Variants in IGF2BP1 observed in about 807,000 individuals in gnomAD.
IGF2BP1 encodes the protein insulin-like growth factor 2 mRNA-binding protein 1.
In IGF2BP1, 11 loss-of-function variants were observed where a neutral mutation model predicts 74.9. The observed-to-expected ratio is 0.15, with a 90% confidence interval of 0.09 to 0.24. The LOEUF is 0.24. Among genes scored for constraint, IGF2BP1 ranks in the 10% least tolerant of loss-of-function variants. The pLI, the probability that IGF2BP1 is intolerant of heterozygous loss-of-function variation, is 1.00. For missense variants in IGF2BP1, 440 were observed against 757.4 expected (o/e 0.58, Z 4.92); for synonymous variants, 287 against 281.8 (o/e 1.02, Z -0.18).
chr17:49,000,152 A>C (rs1402133053), intron 2 of IGF2BP1, among the ~76,000 whole-genome samples: 2 of 152,132 alleles, frequency 1.3e-5, no homozygotes, highest in Admixed American at 1.3e-4. Context: ...ACATGTTGAC[A>C]GTGTAGAGTT....
At chr17:49,010,081 CAAACAAAACAAAACACAAA>C in intron 2 of IGF2BP1, among the ~76,000 whole-genome samples, 1 of 152,240 alleles carries the variant, frequency 6.6e-6, no homozygotes, top group South Asian at 2.1e-4. Context: ...AACTCGATTT[CAAACAAAACAAAACACAAA>C]AAACAAAAAA....
At position 49,025,555 on chromosome 17, in the gene IGF2BP1, C is replaced by T. The variant is rs1450415891; in HGVS notation, c.237-63C>T. 8.6e-6 allele frequency: 12 copies of T among 1,396,662 alleles called. No homozygotes were observed. In the South Asian group the frequency reaches 1.1e-4, roughly 13 times the overall value. 86.5% of individuals were successfully genotyped at this position (1,396,662 alleles called of 1,614,324 possible). On this transcript the variant is annotated intron_variant, in intron 2 of 14. Transcript: ENST00000290341. ...AAACTGGGGCAAGGATTAGAAACTG[C>T]GAGTTCACAGACCCCTAATGTATTC...
In IGF2BP1 at chr17:49,042,979, C is replaced by A. The variant is rs541274593; in HGVS notation, c.1078-449C>A. ...GATTATAAGCATGAGCCACTGCACACAACTCATCTGATTTTTAAAGGAGAC... is the reference window on the plus strand; with the variant it reads ...GATTATAAGCATGAGCCACTGCACAAAACTCATCTGATTTTTAAAGGAGAC... On this transcript the variant is annotated intron_variant, in intron 9 of 14. Transcript: ENST00000290341. Among the ~76,000 whole-genome samples, 59 of 152,252 alleles carry A rather than the reference C, an allele frequency of 3.9e-4. No homozygotes were observed. The Middle Eastern group carries it at 0.01, about 26-fold the overall frequency.
intron 4 of IGF2BP1, among the ~76,000 whole-genome samples, chr17:49,027,707 C>T (rs1433996786): frequency 4.6e-5 from 7 of 151,692 alleles, no homozygotes; most frequent in Admixed American, 3.9e-4. Flanking sequence ...AAAAAATTAG[C>T]CGGGCGTGGT....
In IGF2BP1 at chr17:49,042,239, C is replaced by G. The variant is rs1190677312; in HGVS notation, c.942-3C>G. The G allele has an allele frequency of 3.1e-6, 5 of 1,614,038 alleles. No individual in the cohort carries two copies. The highest frequency in any genetic ancestry group is 4.2e-6 in the Non-Finnish European group (5 of 1,180,032). On this transcript the variant is annotated splice_region_variant and splice_polypyrimidine_tract_variant and intron_variant, in intron 8 of 14. Coordinates refer to ENST00000290341, the MANE Select transcript of IGF2BP1 (RefSeq NM_006546.4). ...AAGGACACAACTCTGCTCTTTCTGC[C>G]AGGTTGCAAGACCTTACCCTTTACA...
chr17:49,043,330 C>T, intron 9 of IGF2BP1, 98 bp from the exon 10 acceptor site: 2 of 1,396,008 alleles, frequency 1.4e-6, no homozygotes, highest in Admixed American at 1.9e-5. Flanking sequence ...GTTTTTGGCC[C>T]ACTTGCCTCT....
At position 49,044,976 on chromosome 17, in the gene IGF2BP1, C is replaced by A. The variant is rs1464653001; in HGVS notation, c.1321-15C>A. 2.5e-6 allele frequency: 4 copies of A among 1,612,912 alleles called. No individual in the cohort carries two copies. The Admixed American group carries it at 6.7e-5, about 27-fold the overall frequency. ...CCATAGAGGGTCCCTCATTGACTAG[C>A]TTTTTGCTTTTTAGATTGCACCACC... On this transcript the variant is annotated splice_polypyrimidine_tract_variant and intron_variant, in intron 11 of 14. Transcript: ENST00000290341.
intron 2 of IGF2BP1, among the ~76,000 whole-genome samples, chr17:49,001,683 C>T (rs2041489934): frequency 1.3e-5 from 2 of 152,080 alleles, no homozygotes; most frequent in Admixed American, 6.5e-5. Context: ...ATCTCAAACC[C>T]CCTTAGTGTT....
Position 49,038,389 on chromosome 17 carries a change from G to T in IGF2BP1, c.623G>T (p.Gly208Val). ...CTCCTGGTGCCCACCCAGTATGTGG[G>T]TGCCATTATTGGCAAGGAGGGGGCC... ...LRLLVPTQYV[G>V]AIIGKEGATI... The change falls in exon 6 of 15, where the codon GGT becomes GTT. Residue 208 changes from glycine to valine, a missense_variant. Coordinates refer to ENST00000290341, the MANE Select transcript of IGF2BP1 (RefSeq NM_006546.4). 1.3e-6 allele frequency: 2 copies of T among 1,594,410 alleles called. No individual in the cohort carries two copies. Among genetic ancestry groups the T allele is most frequent in the Non-Finnish European group, 1.7e-6 (2 of 1,170,382 alleles).
chr17:49,041,232 T>C, intron 7 of IGF2BP1, 146 bp from the exon 8 acceptor site: 1 of 817,812 alleles, frequency 1.2e-6, no homozygotes, highest in Non-Finnish European at 1.9e-6. Flanking sequence ...TAATAAATCA[T>C]ACATATTTTT....
rs2042105071 is a variant in IGF2BP1, at chr17:49,046,108, AG to A, written c.1527+89del. 6.2e-5 allele frequency: 94 copies of A among 1,526,208 alleles called. 1 individual carries two copies. In the South Asian group the frequency reaches 1.1e-3, roughly 18 times the overall value. The allele number at this position is 1,526,208 out of a possible 1,614,324, so 94.5% of individuals were successfully genotyped here. A position where few individuals can be genotyped will look rare whatever the true frequency, so the allele number is the denominator to read the frequency against. Reference sequence around the variant, plus strand: ...CTGGTCTCCTGTACTGCTCAACCTCAGGACTCCTGATTTGCTCATTTACTTG... The same window carrying A: ...CTGGTCTCCTGTACTGCTCAACCTCAGACTCCTGATTTGCTCATTTACTTG... On this transcript the variant is annotated intron_variant, in intron 13 of 14. Transcript: ENST00000290341.
Position 49,022,240 on chromosome 17 carries a change from T to A in IGF2BP1, c.237-3378T>A, listed in dbSNP as rs75849758. On this transcript the variant is annotated intron_variant, in intron 2 of 14. Coordinates refer to ENST00000290341, the MANE Select transcript of IGF2BP1 (RefSeq NM_006546.4). ...CTACACCAGGCCTTCTCTAAGTGTT[T>A]GTGGAATGAATGAGACTGGGACCAA... Among the ~76,000 whole-genome samples the A allele has an allele frequency of 9.6e-3, 1,456 of 152,198 alleles. 22 individuals are homozygous for A. Among genetic ancestry groups the A allele is most frequent in the African/African-American group, 0.033 (1,373 of 41,530 alleles).
At chr17:48,996,853 G>A (rs1258257868), upstream of IGF2BP1, among the ~76,000 whole-genome samples, 1 of 152,066 alleles carries the variant, frequency 6.6e-6, no homozygotes, top group African/African-American at 2.4e-5. Flanking sequence ...TGGGGCTGGC[G>A]TGGGGAAGGC....
In IGF2BP1 at chr17:49,031,980, G is replaced by T; in HGVS notation, c.401+7G>T. On this transcript the variant is annotated splice_region_variant and intron_variant, in intron 5 of 14. Transcript: ENST00000290341. ...ACCGGGAGCAGACCAGGCAGTGAGT[G>T]GGCTGGGAAGTGGGGCTGGGTGCGG... 6.2e-7 allele frequency: 1 copy of T among 1,609,770 alleles called. No individual in the cohort carries two copies. The highest frequency in any genetic ancestry group is 8.5e-7 in the Non-Finnish European group (1 of 1,178,380).
At position 49,055,859 on chromosome 17, in the gene IGF2BP1, A is replaced by T. The variant is rs1173320388; in HGVS notation, c.*6415A>T. On this transcript the variant is annotated 3_prime_UTR_variant, in exon 15 of 15. Transcript: ENST00000290341. ...CAGTTTTTTTTTTTTTTTTTTTTTT[A>T]AATATGAGTGCTAGCTTATTCTGTA... Among the ~76,000 whole-genome samples the T allele has an allele frequency of 6.2e-4, 46 of 74,780 alleles. No homozygotes were observed. The highest frequency in any genetic ancestry group is 2.1e-3 in the South Asian group (6 of 2,824). 49.1% of individuals were successfully genotyped at this position (74,780 alleles called of 152,430 possible).
intron 3 of IGF2BP1, 171 bp from the exon 4 acceptor site, chr17:49,026,294 AC>A: frequency 1.7e-6 from 1 of 582,010 alleles, no homozygotes; most frequent in Non-Finnish European, 3.1e-6. Flanking sequence ...CTGCAAAGAT[AC>A]CCCATCAGCA....
intron 2 of IGF2BP1, chr17:49,004,932 C>G (rs577187495): frequency 6.6e-6 from 1 of 152,316 alleles, no homozygotes; most frequent in South Asian, 2.1e-4. Flanking sequence ...CACACCATCG[C>G]AAGGGCAAGG....
chr17:49,032,013 G>A (rs781668687), intron 5 of IGF2BP1, 40 bp downstream of exon 5: 7 of 1,512,316 alleles, frequency 4.6e-6, no homozygotes, highest in Admixed American at 1.7e-5. Flanking sequence ...CGGTGGGGGG[G>A]GGTTCTGTGA....
At position 49,046,328 on chromosome 17, in the gene IGF2BP1, C is replaced by T. The variant is rs151135710; in HGVS notation, c.1596C>T (p.Asn532=). ...CAAGAGACCAGACCCCTGATGAGAA[C>T]GACCAGGTCATCGTGAAAATCATCG... is the stretch of plus-strand genomic sequence containing the variant. ...VVPRDQTPDE[N]DQVIVKIIGH... is the part of the protein sequence containing the mutation. The change falls in exon 14 of 15, where the codon AAC becomes AAT. Residue 532 remains asparagine, a synonymous_variant. Transcript: ENST00000290341. 2.5e-5 allele frequency: 41 copies of T among 1,613,980 alleles called. No individual in the cohort carries two copies. Among genetic ancestry groups the T allele is most frequent in the South Asian group, 6.6e-5 (6 of 91,090 alleles).
Sources: allele counts gnomAD v4.1 joint callset (sites outside exome capture counted in the v4.1 genomes callset), GRCh38; gene constraint gnomAD v4.1.1; transcripts MANE v1.5; gene names NCBI Gene and HGNC (gene_info 2026-07-23, HGNC 2026-07-21).